Variants in PLA2G7 observed in about 807,000 individuals in gnomAD.
The protein encoded by PLA2G7 is platelet-activating factor acetylhydrolase.
In PLA2G7, 63 loss-of-function variants were observed where a neutral mutation model predicts 49.6. The ratio of observed to expected loss-of-function variants is 1.27; its 90% confidence interval spans 1.04 to 1.57. The LOEUF is 1.57. Among genes scored for constraint, PLA2G7 ranks in the 40% most tolerant of loss-of-function variants. The probability of loss-of-function intolerance (pLI) is 0.00; values close to 1 mark genes in which losing one functional copy is unlikely to be tolerated. For missense variants in PLA2G7, 596 were observed against 521.2 expected, an observed-to-expected ratio of 1.14 and a Z score of -1.40; for synonymous variants, 193 against 169.9, an observed-to-expected ratio of 1.14 and a Z score of -1.06.
chr6:46,719,069 T>C (rs1765309233), intron 2 of PLA2G7, among the ~76,000 whole-genome samples: 1 of 152,206 alleles, frequency 6.6e-6, no homozygotes, highest in Non-Finnish European at 1.5e-5. Context: ...TAAACCTCAA[T>C]CAAATCCATA....
chr6:46,727,807 T>C (rs1195184841), intron 1 of PLA2G7, among the ~76,000 whole-genome samples: 1 of 152,192 alleles, frequency 6.6e-6, no homozygotes, highest in Non-Finnish European at 1.5e-5. Flanking sequence ...AACATGTGGA[T>C]GGCCTCTAGA....
At chr6:46,732,981 A>T (rs1302221871) in intron 1 of PLA2G7, among the ~76,000 whole-genome samples, 1 of 152,204 alleles carries the variant, frequency 6.6e-6, no homozygotes, top group Non-Finnish European at 1.5e-5. Flanking sequence ...AATCTTGAAA[A>T]AAAATTAGGC....
intron 4 of PLA2G7, 149 bp from the exon 5 acceptor site, chr6:46,714,702 C>CTAGA: frequency 1.5e-6 from 1 of 650,188 alleles, no homozygotes; most frequent in Non-Finnish European, 2.8e-6. Context: ...AAGACTGCTA[C>CTAGA]TAGATACCCA....
intron 10 of PLA2G7, 134 bp from the exon 11 acceptor site, chr6:46,705,435 G>C (rs1239246548): frequency 2.8e-6 from 2 of 710,998 alleles, no homozygotes; most frequent in Non-Finnish European, 4.8e-6. Context: ...CTTGTAATTT[G>C]ATCTACTTAG....
chr6:46,726,005 G>A (rs1765564215), intron 1 of PLA2G7, among the ~76,000 whole-genome samples: 1 of 152,232 alleles, frequency 6.6e-6, no homozygotes, highest in Non-Finnish European at 1.5e-5. Flanking sequence ...GAACAGCTGT[G>A]TAGAAATATG....
chr6:46,705,198 C>T lies in PLA2G7; in HGVS notation c.1144G>A (p.Asp382Asn), dbSNP rs768630520. 6.2e-7 allele frequency: 1 copy of T among 1,607,354 alleles called. No homozygotes were observed. Among genetic ancestry groups the T allele is most frequent in the Admixed American group, 1.7e-5 (1 of 59,918 alleles). ...KGDIDSNVAIDLSNKASLAFL... is the reference protein window; with the variant it reads ...KGDIDSNVAINLSNKASLAFL... Reference sequence around the variant, plus strand: ...GCTAATGAAGCTTTGTTGCTAAGATCAATAGCTACATTTGAATCTATGTCT... The same window carrying T: ...GCTAATGAAGCTTTGTTGCTAAGATTAATAGCTACATTTGAATCTATGTCT... Residue 382 changes from aspartate to asparagine, a missense_variant, in exon 11 of 12, where the codon GAT becomes AAT. Physicochemically the swap from Asp to Asn is conservative, Grantham distance 23. Transcript: ENST00000274793.
intron 1 of PLA2G7, among the ~76,000 whole-genome samples, chr6:46,728,671 T>C (rs1399979995): frequency 6.6e-6 from 1 of 152,240 alleles, no homozygotes; most frequent in Non-Finnish European, 1.5e-5. Context: ...CTAAGATCAA[T>C]GGGCAGCCTG....
chr6:46,706,610 G>A (rs1031115404), intron 10 of PLA2G7, among the ~76,000 whole-genome samples: 6 of 152,332 alleles, frequency 3.9e-5, no homozygotes, highest in East Asian at 1.9e-4. Flanking sequence ...TGGCATGCCC[G>A]TGGGGGCCCA....
chr6:46,732,820 AG>A (rs1203964486), intron 1 of PLA2G7, among the ~76,000 whole-genome samples: 16 of 152,240 alleles, frequency 1.1e-4, no homozygotes. Flanking sequence ...GAAGAAAGTC[AG>A]TAAGAACCCA....
At chr6:46,706,062 A>G (rs1208896777) in intron 10 of PLA2G7, among the ~76,000 whole-genome samples, 4 of 152,154 alleles carry the variant, frequency 2.6e-5, no homozygotes, top group African/African-American at 9.7e-5. Flanking sequence ...CTCACTTTGC[A>G]ATCTCTTCTA....
chr6:46,721,482 G>C (rs1200423862), intron 2 of PLA2G7, among the ~76,000 whole-genome samples: 1 of 151,734 alleles, frequency 6.6e-6, no homozygotes, highest in Non-Finnish European at 1.5e-5. Flanking sequence ...AAAGACAAAG[G>C]GATTTTAAAA....
chr6:46,734,862 GA>G (rs1029763356), intron 1 of PLA2G7, among the ~76,000 whole-genome samples: 1 of 151,470 alleles, frequency 6.6e-6, no homozygotes, highest in African/African-American at 2.4e-5. Context: ...GAGAGAGAGA[GA>G]AAAAAAAGAA....
chr6:46,721,986 C>T (rs1765415825), intron 2 of PLA2G7, among the ~76,000 whole-genome samples: 1 of 152,140 alleles, frequency 6.6e-6, no homozygotes, highest in Non-Finnish European at 1.5e-5. Flanking sequence ...CTACACTGCT[C>T]TCCATAGGAG....
chr6:46,711,454 G>A (rs1765017400), intron 7 of PLA2G7, 42 bp downstream of exon 7: 1 of 1,608,204 alleles, frequency 6.2e-7, no homozygotes, highest in South Asian at 1.1e-5. Flanking sequence ...TTTTGTACAT[G>A]CTTTTAGGTC....
intron 5 of PLA2G7, 127 bp from the exon 6 acceptor site, chr6:46,712,464 C>T: frequency 1.4e-6 from 1 of 704,912 alleles, no homozygotes; most frequent in Non-Finnish European, 2.6e-6. Flanking sequence ...GAGTGGAGAG[C>T]TACGGTTCTT....
chr6:46,712,268 C>T lies in PLA2G7; in HGVS notation c.539+1G>A, dbSNP rs201832489. 229 of 1,601,514 alleles carry T rather than the reference C, an allele frequency of 1.4e-4. 1 individual carries two copies. The highest frequency in any genetic ancestry group is 1.8e-4 in the Non-Finnish European group (205 of 1,168,792). Reference sequence around the variant, plus strand: ...GAGCCCAATTATATCAGGTAACATACCTGTGTTCTACAGCAGCAACTATAA... The same window carrying T: ...GAGCCCAATTATATCAGGTAACATATCTGTGTTCTACAGCAGCAACTATAA... On this transcript the variant is annotated splice_donor_variant, in intron 6 of 11. Coordinates refer to ENST00000274793, the MANE Select transcript of PLA2G7 (RefSeq NM_005084.4). LOFTEE classifies it high-confidence loss of function.
At chr6:46,720,331 A>C (rs1765354291) in intron 2 of PLA2G7, among the ~76,000 whole-genome samples, 1 of 152,210 alleles carries the variant, frequency 6.6e-6, no homozygotes, top group Admixed American at 6.5e-5. Flanking sequence ...ATTTTCCAAT[A>C]AGTTAGGAGT....
At chr6:46,725,106 G>A (rs1485816337) in intron 1 of PLA2G7, among the ~76,000 whole-genome samples, 2 of 152,182 alleles carry the variant, frequency 1.3e-5, no homozygotes, top group African/African-American at 4.8e-5. Flanking sequence ...TATGGTACAA[G>A]TTCTGAGAGC....
intron 1 of PLA2G7, among the ~76,000 whole-genome samples, chr6:46,724,390 T>G (rs1333848498): frequency 6.6e-6 from 1 of 152,180 alleles, no homozygotes; most frequent in Non-Finnish European, 1.5e-5. Context: ...AGTGAATAAA[T>G]CTAGCACATC....
Sources: gnomAD v4.1 joint callset for allele counts (sites outside exome capture counted in the v4.1 genomes callset) on GRCh38, gnomAD v4.1.1 for gene constraint, MANE v1.5 for transcripts, NCBI Gene and HGNC (gene_info 2026-07-23, HGNC 2026-07-21) for gene names.